Variants in PML observed in about 807,000 individuals in gnomAD.
PML encodes the protein protein PML.
In PML, 28 loss-of-function variants were observed where a neutral mutation model predicts 65.2. The ratio of observed to expected loss-of-function variants is 0.43; its 90% CI spans 0.32 to 0.59. The LOEUF (loss-of-function observed/expected upper bound fraction) is 0.59. Ranked by LOEUF, PML falls within the 20% of genes least tolerant of loss-of-function variation. The pLI, the probability that PML is intolerant of heterozygous loss-of-function variation, is 0.08. For synonymous variants in PML, 500 were observed against 508.8 expected (o/e 0.98, Z 0.23); for missense variants, 1,021 against 1,203.4 (o/e 0.85, Z 2.24).
In PML at chr15:74,017,031, T is replaced by C. The variant is rs1318470417; in HGVS notation, c.603-5797T>C. Reference sequence around the variant, plus strand: ...CCAGGATGGTCTCGATCTCCTGACCTCGTGATCCACCCACCTCGGCCTCCC... The same window carrying C: ...CCAGGATGGTCTCGATCTCCTGACCCCGTGATCCACCCACCTCGGCCTCCC... On this transcript the variant is annotated intron_variant, in intron 2 of 8. Transcript: ENST00000268058. 2.6e-5 allele frequency among the ~76,000 whole-genome samples: 4 copies of C among 151,744 alleles called. No homozygotes were observed. In the East Asian group the frequency reaches 8.0e-4, roughly 30 times the overall value.
chr15:74,009,794 C>T (rs1274015889), intron 2 of PML, among the ~76,000 whole-genome samples: 3 of 152,114 alleles, frequency 2.0e-5, no homozygotes, highest in Non-Finnish European at 4.4e-5. Flanking sequence ...CTCCTGGGCT[C>T]CACCCACCTC....
chr15:74,003,916 G>C (rs2069903130), intron 2 of PML, among the ~76,000 whole-genome samples: 1 of 152,044 alleles, frequency 6.6e-6, no homozygotes, highest in Admixed American at 6.6e-5. Flanking sequence ...TCCTTCTTTT[G>C]CTGTCACATG....
rs1035419425 is a variant in PML, at chr15:73,994,749, C to T, written c.-64C>T. On this transcript the variant is annotated 5_prime_UTR_variant, in exon 1 of 9. Transcript: ENST00000268058. ...GGACTCAGCCAACTGGCTCACGCCT[C>T]CCCTTCAGCTTCTCTTCACGCACTC... is the stretch of plus-strand genomic sequence containing the variant. The T allele has an allele frequency of 5.2e-6, 8 of 1,535,920 alleles. No homozygotes were observed. The highest frequency in any genetic ancestry group is 4.8e-5 in the South Asian group (4 of 83,728).
At chr15:74,007,423 TAAC>T (rs1219365209) in intron 2 of PML, among the ~76,000 whole-genome samples, 1 of 152,210 alleles carries the variant, frequency 6.6e-6, no homozygotes, top group Non-Finnish European at 1.5e-5. Flanking sequence ...TGCATGGCCT[TAAC>T]AAACCTGAAA....
intron 1 of PML, among the ~76,000 whole-genome samples, chr15:73,996,021 G>A (rs936454410): frequency 1.3e-5 from 2 of 152,110 alleles, no homozygotes; most frequent in Admixed American, 6.6e-5. Context: ...CAAAGTGCTG[G>A]GATTACAGGC....
At chr15:74,010,602 G>A (rs531096632) in intron 2 of PML, among the ~76,000 whole-genome samples, 2 of 151,568 alleles carry the variant, frequency 1.3e-5, no homozygotes, top group Non-Finnish European at 1.5e-5. Context: ...TAGAACCACC[G>A]CCAGCCAGCC....
In PML at chr15:73,998,303, C is replaced by G; in HGVS notation, c.429C>G (p.Cys143Trp). ...CGGCCGACTTCTGGTGCTTTGAGTGCGAGCAGCTCCTCTGCGCCAAGTGCT... is the reference window on the plus strand; with the variant it reads ...CGGCCGACTTCTGGTGCTTTGAGTGGGAGCAGCTCCTCTGCGCCAAGTGCT... Reference protein sequence around the residue: ...KESADFWCFECEQLLCAKCFE... With the variant: ...KESADFWCFEWEQLLCAKCFE... Residue 143 changes from cysteine (C) to tryptophan (W), a missense_variant, in exon 2 of 9, where the codon TGC becomes TGG. Transcript: ENST00000268058. 6.2e-7 allele frequency: 1 copy of G among 1,614,208 alleles called. No homozygotes were observed. Among genetic ancestry groups the G allele is most frequent in the East Asian group, 2.2e-5 (1 of 44,888 alleles).
Position 74,035,189 on chromosome 15 carries a change from G to A in PML, c.1710+659G>A. ...TTGGAAAGTGCATGGAGCCCATGGA[G>A]ACCGCCGAGCCACAGTCCTCGCCAG... On this transcript the variant is annotated intron_variant, in intron 7 of 8. Coordinates refer to ENST00000268058, the MANE Select transcript of PML (RefSeq NM_033238.3). This position sits in a 1 kb window ranked among gnomAD's most constrained non-coding sequence, Gnocchi z 4.1. The A allele has an allele frequency of 7.3e-7, 1 of 1,375,730 alleles. No homozygotes were observed. Among genetic ancestry groups the A allele is most frequent in the Non-Finnish European group, 1.0e-6 (1 of 963,340 alleles). The allele number at this position is 1,375,730 out of a possible 1,614,324, so 85.2% of individuals were successfully genotyped here.
Position 74,025,279 on chromosome 15 carries a change from T to C in PML, c.1254+352T>C, listed in dbSNP as rs368861488. ...GCCTTCCAGCCATGAGAAACTATGG[T>C]TGTCAGATGTATGGTTAGATATAGG... On this transcript the variant is annotated intron_variant, in intron 4 of 8. Transcript: ENST00000268058. 1.6e-4 allele frequency: 58 copies of C among 360,778 alleles called. No homozygotes were observed. In the East Asian group the frequency reaches 2.4e-3, roughly 15 times the overall value. The allele number at this position is 360,778 out of a possible 1,614,324, so 22.3% of individuals were successfully genotyped here. A position where few individuals can be genotyped will look rare whatever the true frequency, so the allele number is the denominator to read the frequency against.
chr15:74,012,607 G>A (rs2070385150), intron 2 of PML, among the ~76,000 whole-genome samples: 1 of 152,214 alleles, frequency 6.6e-6, no homozygotes, highest in Admixed American at 6.5e-5. Flanking sequence ...ACCATGCCCA[G>A]CCCCATATCG....
rs377617499 is a variant in PML at position 74,026,263 on chromosome 15, G to A, written c.1254+1336G>A. ...TCGGCTCACTGCACCCTCCGCTTCC[G>A]GGGTTCAAGCCATTCTCCTGCCTCA... On this transcript the variant is annotated intron_variant, in intron 4 of 8. Transcript: ENST00000268058. The A allele has an allele frequency of 6.4e-3, 970 of 152,138 alleles. 3 individuals are homozygous for A. Among genetic ancestry groups the A allele is most frequent in the Middle Eastern group, 0.017 (5 of 296 alleles). 9.4% of individuals were successfully genotyped at this position (152,138 alleles called of 1,614,324 possible). A position where few individuals can be genotyped will look rare whatever the true frequency, so the allele number is the denominator to read the frequency against.
At position 74,042,542 on chromosome 15, in the gene PML, C is replaced by A. The variant is rs2141896047; in HGVS notation, c.1711-447C>A. The stretch of plus-strand genomic sequence containing the variant: ...TTAGGAGCAGACATCTCAGGTCCTG[C>A]CTGCCATAGCAGATGGCTCCTTCCC... On this transcript the variant is annotated intron_variant, in intron 7 of 8. Transcript: ENST00000268058. The surrounding 1 kb of genome is among the most constrained non-coding windows in gnomAD (Gnocchi z 5.3). 1 of 985,328 alleles carries A rather than the reference C, an allele frequency of 1.0e-6. No individual in the cohort carries two copies. Among genetic ancestry groups the A allele is most frequent in the African/African-American group, 1.7e-5 (1 of 57,366 alleles). 61.0% of individuals were successfully genotyped at this position (985,328 alleles called of 1,614,324 possible).
chr15:74,040,033 TG>T (rs1222094931), intron 7 of PML, among the ~76,000 whole-genome samples: 1 of 152,202 alleles, frequency 6.6e-6, no homozygotes, highest in Non-Finnish European at 1.5e-5. Flanking sequence ...GTGAGATGGA[TG>T]TAGCTCATGA....
intron 7 of PML, chr15:74,034,798 C>T: frequency 1.4e-6 from 2 of 1,441,774 alleles, no homozygotes; most frequent in Non-Finnish European, 1.8e-6. Context: ...CTGGAATGTC[C>T]AAGACCTTTG....
Position 74,033,350 on chromosome 15 carries a change from C to G in PML, c.1593C>G (p.Pro531=). Residue 531 remains proline (P), a synonymous_variant, in exon 6 of 9, where the codon CCC becomes CCG. Transcript: ENST00000268058. ...ATGGACCGCCTAGCCCCAGGAGCCC[C>G]GTCATAGGAAGTGAGGTCTTCCTGC... ...HLDGPPSPRS[P]VIGSEVFLPN... is the part of the protein sequence containing the mutation. 6.2e-7 allele frequency: 1 copy of G among 1,613,994 alleles called. No homozygotes were observed. The highest frequency in any genetic ancestry group is 8.5e-7 in the Non-Finnish European group (1 of 1,179,870).
intron 2 of PML, among the ~76,000 whole-genome samples, chr15:74,008,512 G>T (rs2070169362): frequency 6.6e-6 from 1 of 152,176 alleles, no homozygotes; most frequent in South Asian, 2.1e-4. Context: ...GCTGAGGTGG[G>T]CAGATCACGA....
intron 2 of PML, among the ~76,000 whole-genome samples, chr15:74,000,361 A>T (rs748131518): frequency 1.3e-5 from 2 of 152,050 alleles, no homozygotes; most frequent in Admixed American, 6.6e-5. Flanking sequence ...GCTGGAGTGC[A>T]GTGCTGCACT....
chr15:74,034,864 A>G, intron 7 of PML: 1 of 1,437,822 alleles, frequency 7.0e-7, no homozygotes. Flanking sequence ...GGAGGGCTGG[A>G]CAAGAATCCA....
At chr15:74,001,488 C>G (rs2069759830) in intron 2 of PML, among the ~76,000 whole-genome samples, 1 of 151,996 alleles carries the variant, frequency 6.6e-6, no homozygotes, top group African/African-American at 2.4e-5. Flanking sequence ...TACAGGTGCC[C>G]ACCACCATGC....
Sources: gnomAD v4.1 joint callset for allele counts (sites outside exome capture counted in the v4.1 genomes callset) on GRCh38, gnomAD v4.1.1 for gene constraint, Gnocchi (gnomAD v3.1) non-coding constraint, MANE v1.5 for transcripts, NCBI Gene and HGNC (gene_info 2026-07-23, HGNC 2026-07-21) for gene names.